GUCA2A: variants seen among roughly 807,000 people sequenced by gnomAD.
The protein encoded by GUCA2A is guanylin.
A neutral mutation model predicts 11.2 loss-of-function variants in GUCA2A; 17 were observed. That is an observed-to-expected ratio of 1.52 (90% CI 1.04 to 2.28). GUCA2A has a LOEUF of 2.28. Among genes scored for constraint, GUCA2A ranks in the 30% most tolerant of loss-of-function variants. The pLI is 0.00. For synonymous variants in GUCA2A, 64 were observed against 57.1 expected, an observed-to-expected ratio of 1.12 and a Z score of -0.54; for missense variants, 173 against 139.3, an observed-to-expected ratio of 1.24 and a Z score of -1.22.
Position 42,163,537 on chromosome 1 carries a change from A to T in GUCA2A, c.149T>A (p.Val50Asp), listed in dbSNP as rs1215969333. The T allele has an allele frequency of 6.2e-7, 1 of 1,613,474 alleles. No individual in the cohort carries two copies. The highest frequency in any genetic ancestry group is 8.5e-7 in the Non-Finnish European group (1 of 1,179,456). ...GGGTGCAAAGTTCCTGAGTTTCCCAACCCTGGGCTCCTGGGGCTCCTGGAG... is the reference window on the plus strand; with the variant it reads ...GGGTGCAAAGTTCCTGAGTTTCCCATCCCTGGGCTCCTGGGGCTCCTGGAG... Reference protein sequence around the residue: ...KDLQEPQEPRVGKLRNFAPIP... With the variant: ...KDLQEPQEPRDGKLRNFAPIP... The change falls in exon 2 of 3, where the codon GTT becomes GAT. Residue 50 changes from valine (V) to aspartate (D), a missense_variant. Coordinates refer to ENST00000357001, the MANE Select transcript of GUCA2A (RefSeq NM_033553.3).
At chr1:42,163,913 T>G (rs1646141301) in intron 1 of GUCA2A, among the ~76,000 whole-genome samples, 1 of 152,204 alleles carries the variant, frequency 6.6e-6, no homozygotes, top group Non-Finnish European at 1.5e-5. Flanking sequence ...AGTGTGCTGA[T>G]TTTTAGGGAG....
In GUCA2A at chr1:42,162,822, G is replaced by A. The variant is rs944248355; in HGVS notation, c.*84C>T. On this transcript the variant is annotated 3_prime_UTR_variant, in exon 3 of 3. Coordinates refer to ENST00000357001, the MANE Select transcript of GUCA2A (RefSeq NM_033553.3). ...GGACCAGGGTAGGTTGAGCTGCTGG[G>A]AGTGGAGTATCATGGGTGGCCCTTT... 3.6e-6 allele frequency: 4 copies of A among 1,112,138 alleles called. No homozygotes were observed. In the African/African-American group the frequency reaches 6.2e-5, roughly 17 times the overall value. 68.9% of individuals were successfully genotyped at this position (1,112,138 alleles called of 1,614,324 possible). A position where few individuals can be genotyped will look rare whatever the true frequency, so the allele number is the denominator to read the frequency against.
chr1:42,164,419 T>C (rs1646143601), intron 1 of GUCA2A, among the ~76,000 whole-genome samples: 1 of 152,202 alleles, frequency 6.6e-6, no homozygotes, highest in Non-Finnish European at 1.5e-5. Flanking sequence ...GCCTTCCCCA[T>C]ATGGTTATTC....
intron 1 of GUCA2A, among the ~76,000 whole-genome samples, 155 bp from the exon 2 acceptor site, chr1:42,163,765 G>A (rs1332687851): frequency 6.6e-6 from 1 of 152,242 alleles, no homozygotes; most frequent in African/African-American, 2.4e-5. Flanking sequence ...GTGAGGGGCA[G>A]AGTTCAGGCC....
chr1:42,164,547 A>G, intron 1 of GUCA2A, 91 bp downstream of exon 1: 1 of 745,906 alleles, frequency 1.3e-6, no homozygotes, highest in Non-Finnish European at 2.4e-6. Flanking sequence ...CCCTCAATCC[A>G]GCCCCAAAGA....
Position 42,163,028 on chromosome 1 carries a change from G to A in GUCA2A, c.284-58C>T, listed in dbSNP as rs79911242. 2.1e-4 allele frequency: 288 copies of A among 1,371,278 alleles called. 2 individuals carry two copies. In the African/African-American group the frequency reaches 2.7e-3, roughly 13 times the overall value. 84.9% of individuals were successfully genotyped at this position (1,371,278 alleles called of 1,614,324 possible). ...AGCATTTCCTCGCGAGGCCCCTGCC[G>A]CCCTTGGCCCAGAGCTTGTACGTCA... On this transcript the variant is annotated intron_variant, in intron 2 of 2. Coordinates refer to ENST00000357001, the MANE Select transcript of GUCA2A (RefSeq NM_033553.3).
At chr1:42,163,020 C>T (rs1361319916) in intron 2 of GUCA2A, 50 bp from the exon 3 acceptor site, 4 of 1,441,626 alleles carry the variant, frequency 2.8e-6, no homozygotes, top group Non-Finnish European at 3.9e-6. Context: ...CCTCGCGAGG[C>T]CCCTGCCGCC....
chr1:42,162,757 T>A lies in GUCA2A; in HGVS notation c.*149A>T. 1.5e-6 allele frequency: 1 copy of A among 662,586 alleles called. No homozygotes were observed. The highest frequency in any genetic ancestry group is 1.8e-5 in the South Asian group (1 of 56,938). 41.0% of individuals were successfully genotyped at this position (662,586 alleles called of 1,614,324 possible). A position where few individuals can be genotyped will look rare whatever the true frequency, so the allele number is the denominator to read the frequency against. On this transcript the variant is annotated 3_prime_UTR_variant, in exon 3 of 3. Coordinates refer to ENST00000357001, the MANE Select transcript of GUCA2A (RefSeq NM_033553.3). The stretch of plus-strand genomic sequence containing the variant: ...GGAAGGACAGTGTTGGGGCGAGGCC[T>A]CCAGTCACCCAGTTCCTCCCCGGGC...
chr1:42,164,717 G>A lies in GUCA2A; in HGVS notation c.-5C>T, dbSNP rs1646145335. 5 of 1,542,312 alleles carry A rather than the reference G, an allele frequency of 3.2e-6. No homozygotes were observed. The highest frequency in any genetic ancestry group is 1.7e-4 in the Middle Eastern group (1 of 5,880). ...GGAGAGCAGGAAGGCATTCATGGCA[G>A]CAGTGCCCGAGAGAGGGGTGGCTGT... On this transcript the variant is annotated 5_prime_UTR_variant, in exon 1 of 3. Coordinates refer to ENST00000357001, the MANE Select transcript of GUCA2A (RefSeq NM_033553.3).
intron 1 of GUCA2A, 97 bp from the exon 2 acceptor site, chr1:42,163,707 G>A: frequency 2.6e-6 from 2 of 776,270 alleles, no homozygotes; most frequent in Non-Finnish European, 4.2e-6. Context: ...GGTGCTCACA[G>A]GCAGTGTTCG....
intron 1 of GUCA2A, 125 bp downstream of exon 1, chr1:42,164,513 A>T (rs1046249736): frequency 1.1e-5 from 7 of 637,496 alleles, no homozygotes; most frequent in African/African-American, 1.1e-4. Flanking sequence ...AGCTCCTCGA[A>T]GAAGGCCAAG....
chr1:42,163,875 C>T (rs1158140585), intron 1 of GUCA2A, among the ~76,000 whole-genome samples: 1 of 152,218 alleles, frequency 6.6e-6, no homozygotes, highest in African/African-American at 2.4e-5. Flanking sequence ...GCTCCAGGAA[C>T]ACCATAGGTG....
rs183543257 is a variant in GUCA2A, at chr1:42,164,097, G to A, written c.76-487C>T. Among the ~76,000 whole-genome samples, 1,186 of 152,348 alleles carry A rather than the reference G, an allele frequency of 7.8e-3. 9 individuals are homozygous for A. Among genetic ancestry groups the A allele is most frequent in the Non-Finnish European group, 0.011 (779 of 68,034 alleles). On this transcript the variant is annotated intron_variant, in intron 1 of 2. Coordinates refer to ENST00000357001, the MANE Select transcript of GUCA2A (RefSeq NM_033553.3). Reference sequence around the variant, plus strand: ...CGGAATCTGGCTTTGATAGAGATCAGGGCCCCCGCTAGGTGCCAGCTTGGC... The same window carrying A: ...CGGAATCTGGCTTTGATAGAGATCAAGGCCCCCGCTAGGTGCCAGCTTGGC...
Position 42,162,703 on chromosome 1 carries a change from G to T in GUCA2A, c.*203C>A. ...CAACACCCAGAGTACTCTGGAATCT[G>T]GTTTATTAGCTGGGGGTTGAAGTGG... On this transcript the variant is annotated 3_prime_UTR_variant, in exon 3 of 3. Coordinates refer to ENST00000357001, the MANE Select transcript of GUCA2A (RefSeq NM_033553.3). 1.7e-6 allele frequency: 1 copy of T among 595,272 alleles called. No homozygotes were observed. Among genetic ancestry groups the T allele is most frequent in the Non-Finnish European group, 3.0e-6 (1 of 333,728 alleles). The allele number at this position is 595,272 out of a possible 1,614,324, so 36.9% of individuals were successfully genotyped here.
chr1:42,162,792 CGACTGGACCAGGGTAGGTT>C lies in GUCA2A; in HGVS notation c.*95_*113del. 1.2e-6 allele frequency: 1 copy of C among 853,762 alleles called. No homozygotes were observed. Among genetic ancestry groups the C allele is most frequent in the Non-Finnish European group, 2.0e-6 (1 of 507,984 alleles). 52.9% of individuals were successfully genotyped at this position (853,762 alleles called of 1,614,324 possible). A position where few individuals can be genotyped will look rare whatever the true frequency, so the allele number is the denominator to read the frequency against. On this transcript the variant is annotated 3_prime_UTR_variant, in exon 3 of 3. Transcript: ENST00000357001. ...CAGTTCCTCCCCGGGCTGCTCCTCC[CGACTGGACCAGGGTAGGTT>C]GAGCTGCTGGGAGTGGAGTATCATG...
chr1:42,163,886 C>T (rs750291621), intron 1 of GUCA2A, among the ~76,000 whole-genome samples: 4 of 152,238 alleles, frequency 2.6e-5, no homozygotes, highest in Non-Finnish European at 5.9e-5. Flanking sequence ...ACCATAGGTG[C>T]CTAATGAGTA....
chr1:42,162,920 A>T lies in GUCA2A; in HGVS notation c.334T>A (p.Cys112Ser), dbSNP rs142157365. 1.8e-3 allele frequency: 2,861 copies of T among 1,613,468 alleles called. 4 individuals are homozygous for T. The highest frequency in any genetic ancestry group is 2.3e-3 in the Non-Finnish European group (2,748 of 1,179,426). ...GTCEICAYAACTGC is the reference protein window; with the variant it reads ...GTCEICAYAASTGC ...GGCAAGCCCCCCTAGCATCCGGTAC[A>T]GGCAGCGTAGGCACAGATTTCACAT... The change falls in exon 3 of 3, where the codon TGT (cysteine) becomes AGT (serine). Residue 112 changes from cysteine (C) to serine (S), a missense_variant. Transcript: ENST00000357001.
chr1:42,164,316 T>A (rs1372721894), intron 1 of GUCA2A, among the ~76,000 whole-genome samples: 1 of 152,244 alleles, frequency 6.6e-6, no homozygotes, highest in Non-Finnish European at 1.5e-5. Flanking sequence ...ATGGGACTAA[T>A]GATCCCTTTC....
rs1646138823 is a variant in GUCA2A at position 42,163,461 on chromosome 1, T to C, written c.225A>G (p.Pro75=). The change falls in exon 2 of 3, where the codon CCA becomes CCG. Residue 75 remains proline, a synonymous_variant. Coordinates refer to ENST00000357001, the MANE Select transcript of GUCA2A (RefSeq NM_033553.3). Reference sequence around the variant, plus strand: ...CCTTGCAGAGAGGCTTGAGTTCTTCTGGAAAGTTCGGGTTGCTACAGAGGA... The same window carrying C: ...CCTTGCAGAGAGGCTTGAGTTCTTCCGGAAAGTTCGGGTTGCTACAGAGGA... ...VPILCSNPNF[P]EELKPLCKEP... The C allele has an allele frequency of 1.2e-6, 2 of 1,613,986 alleles. No individual in the cohort carries two copies. The highest frequency in any genetic ancestry group is 1.3e-5 in the African/African-American group (1 of 74,926).
Sources: gnomAD v4.1 joint callset for allele counts (sites outside exome capture counted in the v4.1 genomes callset) on GRCh38, gnomAD v4.1.1 for gene constraint, MANE v1.5 for transcripts, NCBI Gene and HGNC (gene_info 2026-07-23, HGNC 2026-07-21) for gene names.